The following MAML2 variants were observed in gnomAD, a reference collection of about 807,000 sequenced individuals.
MAML2 encodes the protein mastermind like transcriptional coactivator 2, also known as mastermind-like protein 2.
A neutral mutation model predicts 96.1 loss-of-function variants in MAML2; 22 were observed. That is an observed-to-expected ratio of 0.23 (90% CI 0.16 to 0.33). The LOEUF is 0.33. Ranked by LOEUF, MAML2 falls within the 10% of genes least tolerant of loss-of-function variation. The probability of loss-of-function intolerance (pLI) is 1.00; values close to 1 mark genes in which losing one functional copy is unlikely to be tolerated. For missense variants in MAML2, 1,367 were observed against 1,392.4 expected, an observed-to-expected ratio of 0.98 and a Z score of 0.29; for synonymous variants, 561 against 521.3, an observed-to-expected ratio of 1.08 and a Z score of -1.04.
intron 2 of MAML2, among the ~76,000 whole-genome samples, chr11:96,008,744 A>T (rs544996988): frequency 1.3e-5 from 2 of 152,232 alleles, no homozygotes; most frequent in African/African-American, 4.8e-5. Context: ...TATTTGCTTC[A>T]TGTACATGTT....
chr11:96,030,025 C>A (rs184091912), intron 2 of MAML2, among the ~76,000 whole-genome samples: 30 of 152,024 alleles, frequency 2.0e-4, no homozygotes, highest in African/African-American at 5.1e-4. Context: ...CGAGGTCAGA[C>A]GTTCGAGACC....
At chr11:96,337,803 A>G (rs928653269) in intron 1 of MAML2, among the ~76,000 whole-genome samples, 8 of 152,244 alleles carry the variant, frequency 5.3e-5, no homozygotes, top group Admixed American at 3.9e-4. Context: ...TAACACTAGT[A>G]TTGCATTTTG....
intron 2 of MAML2, among the ~76,000 whole-genome samples, chr11:96,016,574 T>C (rs1858356172): frequency 6.6e-6 from 1 of 152,180 alleles, no homozygotes; most frequent in African/African-American, 2.4e-5. Context: ...AGCAGAGATA[T>C]TCAGATTCTA....
chr11:96,092,443 T>C lies in MAML2; in HGVS notation c.1588A>G (p.Met530Val), dbSNP rs1453526299. The change falls in exon 2 of 5, where the codon ATG (methionine) becomes GTG (valine). Residue 530 changes from methionine (M) to valine (V), a missense_variant. Coordinates refer to ENST00000524717, the MANE Select transcript of MAML2 (RefSeq NM_032427.4). The surrounding 1 kb of genome is among the most constrained non-coding windows in gnomAD (Gnocchi z 4.1). Reference sequence around the variant, plus strand: ...CTGAGATCCTGAGGCTTTTGCTGCATGAGGACATCTAGGTGCCCACCCTGG... The same window carrying C: ...CTGAGATCCTGAGGCTTTTGCTGCACGAGGACATCTAGGTGCCCACCCTGG... ...SAQGGHLDVLMQQKPQDLSRS... is the reference protein window; with the variant it reads ...SAQGGHLDVLVQQKPQDLSRS... The C allele has an allele frequency of 1.2e-6, 2 of 1,613,598 alleles. No individual in the cohort carries two copies. The highest frequency in any genetic ancestry group is 1.3e-5 in the African/African-American group (1 of 74,910).
chr11:96,070,773 A>G (rs539988900), intron 2 of MAML2, among the ~76,000 whole-genome samples: 1 of 152,386 alleles, frequency 6.6e-6, no homozygotes, highest in South Asian at 2.1e-4. Context: ...AACTCAGGCA[A>G]AAGTGCCACT....
At chr11:96,166,215 A>ACACC (rs1372110272) in intron 1 of MAML2, among the ~76,000 whole-genome samples, 150 of 145,360 alleles carry the variant, frequency 1.0e-3, no homozygotes, top group African/African-American at 1.0e-3. Context: ...ACACACACAC[A>ACACC]CCCCACATTA....
At chr11:96,317,585 C>T (rs1396241743) in intron 1 of MAML2, among the ~76,000 whole-genome samples, 1 of 152,206 alleles carries the variant, frequency 6.6e-6, no homozygotes, top group Non-Finnish European at 1.5e-5. Flanking sequence ...ACTAGTGTCC[C>T]TTCCCTCTTA....
intron 2 of MAML2, among the ~76,000 whole-genome samples, chr11:96,068,314 G>T (rs1859276063): frequency 6.6e-6 from 1 of 152,094 alleles, no homozygotes; most frequent in Non-Finnish European, 1.5e-5. Context: ...ACAGAAGAAA[G>T]TCTGACTTTT....
chr11:96,271,011 G>A (rs1181507062), intron 1 of MAML2, among the ~76,000 whole-genome samples: 1 of 152,168 alleles, frequency 6.6e-6, no homozygotes, highest in Non-Finnish European at 1.5e-5. Context: ...TGTGCTGGAT[G>A]CTTCCTGCCC....
intron 2 of MAML2, among the ~76,000 whole-genome samples, chr11:96,065,784 T>G (rs1476422760): frequency 6.6e-6 from 1 of 152,144 alleles, no homozygotes; most frequent in Non-Finnish European, 1.5e-5. Flanking sequence ...AAAGCCAGGA[T>G]TTGAACCAGA....
intron 1 of MAML2, among the ~76,000 whole-genome samples, chr11:96,321,319 GAAAGATGTC>G: frequency 6.6e-6 from 1 of 152,208 alleles, no homozygotes; most frequent in East Asian, 1.9e-4. Context: ...AATCACGAGA[GAAAGATGTC>G]AAAGTTCAAG....
At position 96,022,342 on chromosome 11, in the gene MAML2, A is replaced by C. The variant is rs1037413456; in HGVS notation, c.2140-30619T>G. Among the ~76,000 whole-genome samples, 36 of 152,218 alleles carry C rather than the reference A, an allele frequency of 2.4e-4. 1 individual carries two copies. Among genetic ancestry groups the C allele is most frequent in the African/African-American group, 7.0e-4 (29 of 41,528 alleles). ...TTTGTCCCAGTTTCCTGCCTTTCTCATTATGCCCTGAATCATGCAGTTAAA... is the reference window on the plus strand; with the variant it reads ...TTTGTCCCAGTTTCCTGCCTTTCTCCTTATGCCCTGAATCATGCAGTTAAA... On this transcript the variant is annotated intron_variant, in intron 2 of 4. Coordinates refer to ENST00000524717, the MANE Select transcript of MAML2 (RefSeq NM_032427.4).
rs56315314 is a variant in MAML2, at chr11:96,130,326, G to C, written c.514-36809C>G. Among the ~76,000 whole-genome samples the C allele has an allele frequency of 7.1e-3, 1,079 of 152,246 alleles. 11 individuals carry two copies. Among genetic ancestry groups the C allele is most frequent in the Non-Finnish European group, 0.012 (806 of 68,014 alleles). ...ATTTTTCTAGTGAAATCATAACATG[G>C]TTCAGAAACTCAAGAAGGATATGTG... is the stretch of plus-strand genomic sequence containing the variant. On this transcript the variant is annotated intron_variant, in intron 1 of 4. Transcript: ENST00000524717.
At chr11:96,250,229 TA>T (rs1223399912) in intron 1 of MAML2, among the ~76,000 whole-genome samples, 2 of 151,718 alleles carry the variant, frequency 1.3e-5, no homozygotes, top group African/African-American at 4.8e-5. Context: ...CTTTTTTATT[TA>T]AAAAAATGTT....
At chr11:96,178,897 T>C (rs1591057496) in intron 1 of MAML2, among the ~76,000 whole-genome samples, 1 of 152,166 alleles carries the variant, frequency 6.6e-6, no homozygotes, top group African/African-American at 2.4e-5. Flanking sequence ...AAGAAGATAA[T>C]GCTTTGCAGA....
At chr11:96,212,722 A>C (rs1351384636) in intron 1 of MAML2, among the ~76,000 whole-genome samples, 2 of 152,222 alleles carry the variant, frequency 1.3e-5, no homozygotes, top group Non-Finnish European at 2.9e-5. Context: ...CAAGACGTTT[A>C]GATAACTCAT....
At chr11:96,077,908 A>G (rs1268353809) in intron 2 of MAML2, among the ~76,000 whole-genome samples, 1 of 152,222 alleles carries the variant, frequency 6.6e-6, no homozygotes, top group Non-Finnish European at 1.5e-5. Flanking sequence ...GCATTTGGGC[A>G]GTACCTACAC....
At chr11:96,245,580 C>T (rs941211524) in intron 1 of MAML2, among the ~76,000 whole-genome samples, 4 of 152,134 alleles carry the variant, frequency 2.6e-5, no homozygotes, top group African/African-American at 7.2e-5. Flanking sequence ...GATATATCTT[C>T]ACGTTGAGGT....
At chr11:96,251,919 A>G (rs554309314) in intron 1 of MAML2, among the ~76,000 whole-genome samples, 1 of 152,054 alleles carries the variant, frequency 6.6e-6, no homozygotes, top group East Asian at 1.9e-4. Flanking sequence ...TTTTTAGTAG[A>G]GACGGGGTTT....
Sources: allele counts gnomAD v4.1 joint callset (sites outside exome capture counted in the v4.1 genomes callset), GRCh38; gene constraint gnomAD v4.1.1; non-coding constraint Gnocchi (gnomAD v3.1); transcripts MANE v1.5; gene names NCBI Gene and HGNC (gene_info 2026-07-23, HGNC 2026-07-21).